Variants in ATP8A2 observed in about 807,000 individuals in gnomAD.
ATP8A2 encodes the protein phospholipid-transporting ATPase IB.
Under a neutral mutation model 165.6 loss-of-function variants are expected in ATP8A2, and 100 were observed. The observed-to-expected ratio is 0.60, with a 90% confidence interval of 0.51 to 0.71. The LOEUF is 0.71. ATP8A2 is among the 30% of genes least tolerant of loss of function. The probability of loss-of-function intolerance (pLI) is 0.00; values close to 1 mark genes in which losing one functional copy is unlikely to be tolerated. For synonymous variants in ATP8A2, 543 were observed against 548.8 expected (o/e 0.99, Z 0.15); for missense variants, 1,227 against 1,479.5 (o/e 0.83, Z 2.80).
chr13:25,651,955 T>A (rs4770858), intron 24 of ATP8A2, among the ~76,000 whole-genome samples: 55,060 of 151,990 alleles, frequency 0.36, 10,813 homozygotes, highest in Middle Eastern at 0.48. Flanking sequence ...ATTAAAAAAA[T>A]TTTTTTAACA....
intron 25 of ATP8A2, among the ~76,000 whole-genome samples, chr13:25,704,193 A>G (rs2043008024): frequency 6.6e-6 from 1 of 151,676 alleles, no homozygotes; most frequent in South Asian, 2.1e-4. Context: ...AATTCTACAA[A>G]CTCCCCGTGG....
intron 10 of ATP8A2, 36 bp from the exon 11 acceptor site, chr13:25,551,302 C>A: frequency 6.3e-7 from 1 of 1,590,998 alleles, no homozygotes; most frequent in South Asian, 1.1e-5. Context: ...CAAATCTGTT[C>A]TGTGACCCTT....
At chr13:25,853,403 ATATATATG>A (rs1273813330) in intron 30 of ATP8A2, among the ~76,000 whole-genome samples, 8 of 97,248 alleles carry the variant, frequency 8.2e-5, no homozygotes, top group East Asian at 6.3e-4. Context: ...AAAAATATAT[ATATATATG>A]TATATATATA....
intron 33 of ATP8A2, among the ~76,000 whole-genome samples, chr13:25,869,582 T>C (rs1473323785): frequency 6.6e-6 from 1 of 152,204 alleles, no homozygotes; most frequent in Non-Finnish European, 1.5e-5. Context: ...TTCAGGTATA[T>C]GAAGGAGATA....
At chr13:25,795,627 A>G (rs190563012) in intron 27 of ATP8A2, among the ~76,000 whole-genome samples, 1 of 152,360 alleles carries the variant, frequency 6.6e-6, no homozygotes, top group East Asian at 1.9e-4. Flanking sequence ...GTTATAGTCA[A>G]CCTAATTAGC....
At chr13:25,635,622 G>A (rs998212957) in intron 24 of ATP8A2, among the ~76,000 whole-genome samples, 1 of 152,208 alleles carries the variant, frequency 6.6e-6, no homozygotes, top group African/African-American at 2.4e-5. Flanking sequence ...ATGGTTTCAG[G>A]GAATGCTGTC....
chr13:25,560,836 C>CT (rs2039125015), intron 15 of ATP8A2, among the ~76,000 whole-genome samples: 1 of 151,218 alleles, frequency 6.6e-6, no homozygotes, highest in East Asian at 1.9e-4. Context: ...TCTGTACCTC[C>CT]TTAGGCATAT....
chr13:25,423,761 A>C (rs963572196), intron 1 of ATP8A2, among the ~76,000 whole-genome samples: 1 of 152,220 alleles, frequency 6.6e-6, no homozygotes, highest in Non-Finnish European at 1.5e-5. Context: ...GATGTTTGGC[A>C]TAGATCTTTC....
At chr13:25,611,519 T>C (rs2040686771) in intron 24 of ATP8A2, among the ~76,000 whole-genome samples, 1 of 152,170 alleles carries the variant, frequency 6.6e-6, no homozygotes, top group South Asian at 2.1e-4. Context: ...TGTGTTAACT[T>C]TTTGATATGC....
chr13:25,843,855 C>G (rs1441105035), intron 30 of ATP8A2, among the ~76,000 whole-genome samples: 2 of 152,086 alleles, frequency 1.3e-5, no homozygotes, highest in African/African-American at 4.8e-5. Flanking sequence ...GAGGTAGGGG[C>G]TGGAAAAGGG....
At chr13:25,496,618 G>A (rs979699047) in intron 2 of ATP8A2, among the ~76,000 whole-genome samples, 1 of 152,048 alleles carries the variant, frequency 6.6e-6, no homozygotes, top group Non-Finnish European at 1.5e-5. Flanking sequence ...AGAACACTTC[G>A]GGTTTTCAGG....
intron 2 of ATP8A2, among the ~76,000 whole-genome samples, chr13:25,512,686 T>G (rs2037282064): frequency 7.7e-6 from 1 of 129,906 alleles, no homozygotes; most frequent in Admixed American, 7.7e-5. Flanking sequence ...GGCGGGGGGC[T>G]GACCCCCCAA....
At chr13:25,986,829 T>C (rs1371710029) in intron 35 of ATP8A2, among the ~76,000 whole-genome samples, 1 of 152,162 alleles carries the variant, frequency 6.6e-6, no homozygotes, top group East Asian at 1.9e-4. Context: ...TTTCCACCAA[T>C]ACTGTAAAGA....
At chr13:25,995,957 T>A (rs1956492315) in intron 35 of ATP8A2, among the ~76,000 whole-genome samples, 2 of 152,228 alleles carry the variant, frequency 1.3e-5, no homozygotes, top group South Asian at 4.1e-4. Flanking sequence ...GCAGCTCTGT[T>A]ACTTGGTGCA....
rs994551804 is a variant in ATP8A2, at chr13:25,776,029, G to A, written c.2679+1070G>A. ...AACTACTAAAGAGTGATTTCCCCAA[G>A]TTGTGCAGGTTGTTCATGGCCCAAG... On this transcript the variant is annotated intron_variant, in intron 27 of 36. Transcript: ENST00000381655. Among the ~76,000 whole-genome samples the A allele has an allele frequency of 2.0e-5, 3 of 152,176 alleles. No homozygotes were observed. In the East Asian group the frequency reaches 5.8e-4, roughly 29 times the overall value.
chr13:25,486,941 G>C (rs918252415), intron 2 of ATP8A2, among the ~76,000 whole-genome samples: 3 of 152,130 alleles, frequency 2.0e-5, no homozygotes, highest in African/African-American at 7.2e-5. Flanking sequence ...ACTCCAGCCT[G>C]GGTGACGGAG....
At chr13:25,665,179 G>T (rs1033079938) in intron 24 of ATP8A2, among the ~76,000 whole-genome samples, 1 of 152,214 alleles carries the variant, frequency 6.6e-6, no homozygotes, top group Non-Finnish European at 1.5e-5. Context: ...CCTTCACAGG[G>T]CAGGGGAACT....
At chr13:25,654,521 G>A (rs2041884135) in intron 24 of ATP8A2, among the ~76,000 whole-genome samples, 1 of 152,086 alleles carries the variant, frequency 6.6e-6, no homozygotes, top group South Asian at 2.1e-4. Context: ...GTAGAGTTTT[G>A]AAGACAGTTG....
At chr13:25,825,303 G>A (rs1226911056) in intron 27 of ATP8A2, among the ~76,000 whole-genome samples, 1 of 151,262 alleles carries the variant, frequency 6.6e-6, no homozygotes, top group Non-Finnish European at 1.5e-5. Context: ...GACTACAGAG[G>A]TGTGCATCAC....
Sources: gnomAD v4.1 joint callset for allele counts (sites outside exome capture counted in the v4.1 genomes callset) on GRCh38, gnomAD v4.1.1 for gene constraint, MANE v1.5 for transcripts, NCBI Gene and HGNC (gene_info 2026-07-23, HGNC 2026-07-21) for gene names.